The following SLC1A7 variants were observed in gnomAD, a reference collection of about 807,000 sequenced individuals.
The protein encoded by SLC1A7 is solute carrier family 1 member 7, also known as excitatory amino acid transporter 5.
SLC1A7 carries 40 observed loss-of-function variants against 47.7 expected under a neutral mutation model. The ratio of observed to expected loss-of-function variants is 0.84; its 90% CI spans 0.65 to 1.09. The LOEUF (loss-of-function observed/expected upper bound fraction) is 1.09. Among genes scored for constraint, SLC1A7 ranks in the 50% least tolerant of loss-of-function variants. The probability of loss-of-function intolerance (pLI) is 0.00; values close to 1 mark genes in which losing one functional copy is unlikely to be tolerated. For synonymous variants in SLC1A7, 323 were observed against 325.6 expected (o/e 0.99, Z 0.09); for missense variants, 746 against 769.5 (o/e 0.97, Z 0.36).
intron 3 of SLC1A7, among the ~76,000 whole-genome samples, chr1:53,113,494 G>T (rs1486701518): frequency 6.6e-6 from 1 of 152,102 alleles, no homozygotes; most frequent in Non-Finnish European, 1.5e-5. Flanking sequence ...GCGTGGGCCA[G>T]AAATCTTCAT....
At chr1:53,139,142 A>T (rs1347038064) in intron 1 of SLC1A7, among the ~76,000 whole-genome samples, 1 of 152,180 alleles carries the variant, frequency 6.6e-6, no homozygotes, top group African/African-American at 2.4e-5. Flanking sequence ...TTCTGCATGT[A>T]TGAGTAGGGT....
At chr1:53,120,998 G>A (rs1371444534) in intron 2 of SLC1A7, among the ~76,000 whole-genome samples, 1 of 152,246 alleles carries the variant, frequency 6.6e-6, no homozygotes, top group Non-Finnish European at 1.5e-5. Context: ...GGATGAGTGC[G>A]GATGATGCCG....
chr1:53,094,331 G>C (rs531574136), intron 5 of SLC1A7, among the ~76,000 whole-genome samples: 10 of 152,316 alleles, frequency 6.6e-5, no homozygotes, highest in Non-Finnish European at 1.0e-4. Flanking sequence ...ACCAGGAAAG[G>C]GTGGTGTGGG....
rs571850442 is a variant in SLC1A7 at position 53,088,060 on chromosome 1, C to T, written c.1632G>A (p.Ala544=). ...QVEQDEELPA[A]SLNHCTIQIS... ...TCTGGATGGTGCAGTGGTTCAGACT[C>T]GCAGCGGGCAGCTCCTCATCCTGCT... The change falls in exon 11 of 11, where the codon GCG becomes GCA. Residue 544 remains alanine, a synonymous_variant. Coordinates refer to ENST00000371494, the MANE Select transcript of SLC1A7 (RefSeq NM_006671.6). The T allele has an allele frequency of 7.5e-6, 12 of 1,600,984 alleles. No individual in the cohort carries two copies. The highest frequency in any genetic ancestry group is 3.4e-5 in the Admixed American group (2 of 59,404).
chr1:53,127,365 A>C (rs1027407630), intron 2 of SLC1A7, among the ~76,000 whole-genome samples: 2 of 152,228 alleles, frequency 1.3e-5, no homozygotes, highest in African/African-American at 4.8e-5. Flanking sequence ...GTTCTTGATG[A>C]ACTACTTGGA....
chr1:53,115,035 G>T, intron 2 of SLC1A7, 62 bp from the exon 3 acceptor site: 1 of 1,313,486 alleles, frequency 7.6e-7, no homozygotes, highest in Non-Finnish European at 1.1e-6. Context: ...GGCACTCAGC[G>T]CTCACTCAGC....
chr1:53,096,864 CTTT>C (rs1223928066), intron 5 of SLC1A7, among the ~76,000 whole-genome samples: 1 of 151,070 alleles, frequency 6.6e-6, no homozygotes, highest in Non-Finnish European at 1.5e-5. Context: ...AGTACGCTCA[CTTT>C]GCCTCGATAC....
At chr1:53,119,974 G>A (rs1241504508) in intron 2 of SLC1A7, among the ~76,000 whole-genome samples, 1 of 152,196 alleles carries the variant, frequency 6.6e-6, no homozygotes, top group Non-Finnish European at 1.5e-5. Context: ...AGGGCCCCAG[G>A]GAAGAGCCTC....
rs546944425 is a variant in SLC1A7 at position 53,104,673 on chromosome 1, G to A, written c.474+1059C>T. On this transcript the variant is annotated intron_variant, in intron 4 of 10. Transcript: ENST00000371494. ...ATTTCATGGATGTCAGGAGAGACGCGGCGATATGCCAAAGCTTTCACAGCT... is the reference window on the plus strand; with the variant it reads ...ATTTCATGGATGTCAGGAGAGACGCAGCGATATGCCAAAGCTTTCACAGCT... Among the ~76,000 whole-genome samples the A allele has an allele frequency of 2.6e-5, 4 of 152,244 alleles. No homozygotes were observed. In the South Asian group the frequency reaches 6.2e-4, roughly 24 times the overall value.
chr1:53,138,609 C>A (rs1309236702), intron 1 of SLC1A7, among the ~76,000 whole-genome samples: 1 of 150,270 alleles, frequency 6.7e-6, no homozygotes, highest in Non-Finnish European at 1.5e-5. Flanking sequence ...GTCAGGCAAT[C>A]CACCCGCCTT....
chr1:53,130,876 G>A (rs1644935742), intron 2 of SLC1A7, among the ~76,000 whole-genome samples: 1 of 152,100 alleles, frequency 6.6e-6, no homozygotes. Context: ...AAGAGCTCAG[G>A]GGACAGTGTG....
At chr1:53,122,498 C>G (rs1009690862) in intron 2 of SLC1A7, among the ~76,000 whole-genome samples, 5 of 152,172 alleles carry the variant, frequency 3.3e-5, no homozygotes, top group African/African-American at 1.2e-4. Flanking sequence ...CTTCTTTTCC[C>G]CTGAGCAGAA....
At chr1:53,096,934 AC>A (rs1319068902) in intron 5 of SLC1A7, among the ~76,000 whole-genome samples, 1 of 136,042 alleles carries the variant, frequency 7.4e-6, no homozygotes, top group Non-Finnish European at 1.6e-5. Context: ...ACTCACATAC[AC>A]CACCTCGGTA....
In SLC1A7 at chr1:53,096,526, C is replaced by T. The variant is rs374059271; in HGVS notation, c.698-2966G>A. ...TCGGTACACTCACACGCACATAAAC[C>T]CCAGCTCAGTACACTCACACCCCAT... On this transcript the variant is annotated intron_variant, in intron 5 of 10. Transcript: ENST00000371494. Among the ~76,000 whole-genome samples the T allele has an allele frequency of 7.4e-5, 11 of 149,012 alleles. No homozygotes were observed. In the East Asian group the frequency reaches 1.6e-3, roughly 22 times the overall value.
chr1:53,140,869 T>A (rs183635461), intron 1 of SLC1A7, among the ~76,000 whole-genome samples: 1 of 152,200 alleles, frequency 6.6e-6, no homozygotes, highest in Non-Finnish European at 1.5e-5. Flanking sequence ...TCTTCCTAAA[T>A]AACTGCTCGA....
At position 53,087,979 on chromosome 1, in the gene SLC1A7, G is replaced by T; in HGVS notation, c.*30C>A. The T allele has an allele frequency of 8.3e-7, 1 of 1,211,220 alleles. No individual in the cohort carries two copies. Among genetic ancestry groups the T allele is most frequent in the South Asian group, 2.1e-5 (1 of 46,702 alleles). 75.0% of individuals were successfully genotyped at this position (1,211,220 alleles called of 1,614,324 possible). On this transcript the variant is annotated 3_prime_UTR_variant, in exon 11 of 11. Transcript: ENST00000371494. ...CCTGCCTCAGGACCCTGCCCCTGGA[G>T]GCCTCGCCTGCCCCTGCAGCTCCGC...
chr1:53,128,202 C>T (rs899975), intron 2 of SLC1A7, among the ~76,000 whole-genome samples: 37,507 of 151,970 alleles, frequency 0.25, 4,760 homozygotes, highest in Middle Eastern at 0.4. Flanking sequence ...GGGCAGGGTG[C>T]GGTGACTCAC....
intron 5 of SLC1A7, among the ~76,000 whole-genome samples, chr1:53,099,544 A>T (rs1231029354): frequency 9.7e-6 from 1 of 102,664 alleles, no homozygotes; most frequent in African/African-American, 3.6e-5. Context: ...ACCCCACCAC[A>T]ATACCCTCAC....
intron 5 of SLC1A7, among the ~76,000 whole-genome samples, chr1:53,098,301 G>C (rs1300627323): frequency 7.5e-6 from 1 of 133,926 alleles, no homozygotes; most frequent in Non-Finnish European, 1.6e-5. Context: ...CCCTGTCTCG[G>C]TACACACACA....
Sources: gnomAD v4.1 joint callset for allele counts (sites outside exome capture counted in the v4.1 genomes callset) on GRCh38, gnomAD v4.1.1 for gene constraint, MANE v1.5 for transcripts, NCBI Gene and HGNC (gene_info 2026-07-23, HGNC 2026-07-21) for gene names.